The following NOP53 variants were observed in gnomAD, a reference collection of about 807,000 sequenced individuals.
The protein encoded by NOP53 is NOP53 ribosome biogenesis factor, also known as ribosome biogenesis protein NOP53.
NOP53 carries 40 observed loss-of-function variants against 61.0 expected under a neutral mutation model. That is an observed-to-expected ratio of 0.66 (90% CI 0.51 to 0.85). NOP53 has a LOEUF of 0.85. NOP53 is among the 40% of genes least tolerant of loss of function. The pLI, the probability that NOP53 is intolerant of heterozygous loss-of-function variation, is 0.00. For missense variants in NOP53, 689 were observed against 652.9 expected (o/e 1.06, Z -0.60); for synonymous variants, 308 against 289.5 (o/e 1.06, Z -0.65).
chr19:47,755,885 GCC>G, intron 10 of NOP53, 63 bp downstream of exon 10: 1 of 1,405,422 alleles, frequency 7.1e-7, no homozygotes, highest in Non-Finnish European at 1.0e-6. Flanking sequence ...TGCTCCCCGT[GCC>G]CCCCAGGGGC....
chr19:47,746,334 C>T (rs1967064667), intron 1 of NOP53: 1 of 152,338 alleles, frequency 6.6e-6, no homozygotes. Flanking sequence ...AGGCGGGCGC[C>T]ACCACGCTCG....
At chr19:47,751,334 C>A (rs892496919) in intron 4 of NOP53, 186 bp from the exon 5 acceptor site, 20 of 643,742 alleles carry the variant, frequency 3.1e-5, no homozygotes, top group Admixed American at 8.6e-5. Flanking sequence ...TTGGTCTCTT[C>A]CACTTTCTGA....
intron 4 of NOP53, 119 bp downstream of exon 4, chr19:47,751,226 C>A: frequency 2.0e-6 from 2 of 975,780 alleles, no homozygotes; most frequent in South Asian, 1.5e-5. Context: ...GCTTTGGTGA[C>A]CTCCCAGCAG....
chr19:47,756,138 G>A, intron 10 of NOP53: 1 of 513,910 alleles, frequency 1.9e-6, no homozygotes, highest in Non-Finnish European at 3.5e-6. Flanking sequence ...GGAACCTGCT[G>A]TGGCTCCCCA....
At chr19:47,751,219 T>G in intron 4 of NOP53, 112 bp downstream of exon 4, 1 of 1,028,452 alleles carries the variant, frequency 9.7e-7, no homozygotes, top group East Asian at 2.6e-5. Context: ...TGTGGGTGCT[T>G]TGGTGACCTC....
At chr19:47,751,935 C>G (rs1224916129) in intron 5 of NOP53, among the ~76,000 whole-genome samples, 1 of 116,558 alleles carries the variant, frequency 8.6e-6, no homozygotes, top group Non-Finnish European at 1.8e-5. Context: ...AACCCTGTCT[C>G]TACTAAAAAT....
intron 12 of NOP53, 110 bp downstream of exon 12, chr19:47,756,854 C>G (rs1967207880): frequency 1.3e-6 from 2 of 1,500,542 alleles, no homozygotes; most frequent in Non-Finnish European, 1.9e-6. Flanking sequence ...AGCCACACCC[C>G]CTTGGCCATG....
intron 10 of NOP53, 165 bp from the exon 11 acceptor site, chr19:47,756,363 C>T (rs1967197853): frequency 3.3e-6 from 2 of 610,108 alleles, no homozygotes; most frequent in East Asian, 2.7e-5. Context: ...GGCTGTCATC[C>T]CAACACTGAG....
In NOP53 at chr19:47,745,610, T is replaced by G; in HGVS notation, c.51T>G (p.Asp17Glu). 6.2e-7 allele frequency: 1 copy of G among 1,614,080 alleles called. No homozygotes were observed. Residue 17 changes from aspartate to glutamate, a missense_variant, in exon 1 of 13, where the codon GAT (aspartate) becomes GAG (glutamate). Coordinates refer to ENST00000246802, the MANE Select transcript of NOP53 (RefSeq NM_015710.5). ...GTGGGAAGCGCAGCTCGAAAAGCGA[T>G]GCCGATTCTGGTTTCCTGGGGCTGC... is the stretch of plus-strand genomic sequence containing the variant. ...GVGGKRSSKS[D>E]ADSGFLGLRP...
chr19:47,748,880 A>T (rs908770394), intron 2 of NOP53, among the ~76,000 whole-genome samples: 1 of 151,836 alleles, frequency 6.6e-6, no homozygotes, highest in Non-Finnish European at 1.5e-5. Flanking sequence ...CTCTGTCTCA[A>T]GCTGGGCGTG....
intron 1 of NOP53, 39 bp downstream of exon 1, chr19:47,745,822 T>G: frequency 8.4e-7 from 1 of 1,192,396 alleles, no homozygotes; most frequent in Non-Finnish European, 1.1e-6. Flanking sequence ...GGACGGTTCC[T>G]GCGCCCAGGT....
At position 47,751,199 on chromosome 19, in the gene NOP53, G is replaced by C. The variant is rs1004065017; in HGVS notation, c.598+92G>C. 7.3e-6 allele frequency: 9 copies of C among 1,240,904 alleles called. No homozygotes were observed. In the Admixed American group the frequency reaches 1.6e-4, roughly 22 times the overall value. 76.9% of individuals were successfully genotyped at this position (1,240,904 alleles called of 1,614,324 possible). A position where few individuals can be genotyped will look rare whatever the true frequency, so the allele number is the denominator to read the frequency against. ...CACTGCACGAGAGTACAGTGTGAAA[G>C]GGAGTGCTTTGTGGGTGCTTTGGTG... is the stretch of plus-strand genomic sequence containing the variant. On this transcript the variant is annotated intron_variant, in intron 4 of 12. Coordinates refer to ENST00000246802, the MANE Select transcript of NOP53 (RefSeq NM_015710.5).
At chr19:47,746,035 CAATG>C (rs936689110) in intron 1 of NOP53, 21 of 499,316 alleles carry the variant, frequency 4.2e-5, no homozygotes, top group African/African-American at 3.0e-4. Flanking sequence ...TTTAGGTAAA[CAATG>C]AATAATTTTT....
In NOP53 at chr19:47,755,773, T is replaced by G; in HGVS notation, c.1247T>G (p.Ile416Ser). ...TTCTGCAGGTACCAGGCACCTGACA[T>G]CGACGTGCAGCTGAGCTCGGAGCTG... The part of the protein sequence containing the change: ...LGRLKYQAPD[I>S]DVQLSSELTD... Residue 416 changes from isoleucine to serine, a missense_variant, in exon 10 of 13, where the codon ATC becomes AGC. Transcript: ENST00000246802. 6.2e-7 allele frequency: 1 copy of G among 1,610,780 alleles called. No individual in the cohort carries two copies. The highest frequency in any genetic ancestry group is 8.5e-7 in the Non-Finnish European group (1 of 1,179,034).
chr19:47,752,878 G>A (rs1020379589), intron 6 of NOP53: 4 of 450,712 alleles, frequency 8.9e-6, no homozygotes, highest in East Asian at 7.3e-5. Context: ...GGCAGAGGCT[G>A]AGGGAGGGGT....
intron 2 of NOP53, 55 bp from the exon 3 acceptor site, chr19:47,750,123 G>T (rs1967106481): frequency 8.9e-7 from 1 of 1,119,134 alleles, no homozygotes; most frequent in African/African-American, 1.5e-5. Flanking sequence ...AGGGTGGGTG[G>T]TCTTTGGCAG....
chr19:47,748,894 G>T (rs2123671939), intron 2 of NOP53, among the ~76,000 whole-genome samples: 1 of 152,124 alleles, frequency 6.6e-6, no homozygotes, highest in East Asian at 1.9e-4. Flanking sequence ...GGGCGTGGTG[G>T]CTCACGCCTG....
chr19:47,756,197 A>G (rs1247321754), intron 10 of NOP53: 1 of 515,656 alleles, frequency 1.9e-6, no homozygotes, highest in Non-Finnish European at 3.5e-6. Context: ...GCCTGGGCCG[A>G]CCCGGCCGTG....
intron 2 of NOP53, among the ~76,000 whole-genome samples, chr19:47,748,517 A>G (rs1446064620): frequency 6.6e-6 from 1 of 152,090 alleles, no homozygotes; most frequent in Non-Finnish European, 1.5e-5. Context: ...TTTTAATGAA[A>G]ATGAGCGGAC....
Sources: gnomAD v4.1 joint callset for allele counts (sites outside exome capture counted in the v4.1 genomes callset) on GRCh38, gnomAD v4.1.1 for gene constraint, MANE v1.5 for transcripts, NCBI Gene and HGNC (gene_info 2026-07-23, HGNC 2026-07-21) for gene names.